Variants in TET3 observed in about 807,000 individuals in gnomAD.
TET3 encodes the protein tet methylcytosine dioxygenase 3.
TET3 carries 19 observed loss-of-function variants against 141.4 expected under a neutral mutation model. That is an observed-to-expected ratio of 0.13 (90% CI 0.09 to 0.20). TET3 has a LOEUF of 0.20. Among genes scored for constraint, TET3 ranks in the 10% least tolerant of loss-of-function variants. The pLI is 1.00. For synonymous variants in TET3, 1,043 were observed against 980.9 expected (o/e 1.06, Z -1.18); for missense variants, 1,874 against 2,356.9 (o/e 0.80, Z 4.24).
chr2:74,134,868 G>C, the TET3 span: 1 of 425,894 alleles, frequency 2.3e-6, no homozygotes, highest in East Asian at 7.3e-5. Flanking sequence ...TGTAGCCATG[G>C]CTGCAGCAGG....
intron 3 of TET3, among the ~76,000 whole-genome samples, chr2:74,029,110 G>A (rs900797442): frequency 6.6e-6 from 1 of 152,098 alleles, no homozygotes; most frequent in Non-Finnish European, 1.5e-5. Flanking sequence ...ATCTTGAAAG[G>A]GGCAGTTGTC....
chr2:74,063,135 C>T (rs1688689106), intron 4 of TET3, among the ~76,000 whole-genome samples: 1 of 151,886 alleles, frequency 6.6e-6, no homozygotes. Context: ...CTACCCACCT[C>T]AGCTTCCCAA....
intron 3 of TET3, among the ~76,000 whole-genome samples, chr2:74,042,538 A>G (rs1308774532): frequency 1.3e-5 from 2 of 152,202 alleles, no homozygotes; most frequent in Admixed American, 1.3e-4. Flanking sequence ...AAGTAAAACA[A>G]ACTTGTGGGA....
At chr2:74,048,544 A>G in intron 4 of TET3, 133 bp downstream of exon 4, 1 of 1,000,682 alleles carries the variant, frequency 1.0e-6, no homozygotes, top group Non-Finnish European at 1.4e-6. Flanking sequence ...GGGAACACAG[A>G]AATGAGCTCA....
chr2:74,126,783 G>A, the TET3 span, among the ~76,000 whole-genome samples: 4 of 152,102 alleles, frequency 2.6e-5, no homozygotes, highest in Non-Finnish European at 4.4e-5. Context: ...GATTACAGGC[G>A]TGAGCCACCA....
At chr2:74,056,260 G>T (rs1335106913) in intron 4 of TET3, among the ~76,000 whole-genome samples, 1 of 152,152 alleles carries the variant, frequency 6.6e-6, no homozygotes, top group Non-Finnish European at 1.5e-5. Flanking sequence ...AAGGTGGAAG[G>T]TTCTTTTAGA....
intron 3 of TET3, among the ~76,000 whole-genome samples, chr2:74,014,723 CT>C (rs1332302234): frequency 1.3e-5 from 2 of 152,064 alleles, no homozygotes; most frequent in Non-Finnish European, 2.9e-5. Flanking sequence ...AGAAAAAAAA[CT>C]GAGACTTTGA....
At chr2:74,120,118 G>A in the TET3 span, among the ~76,000 whole-genome samples, 3 of 152,216 alleles carry the variant, frequency 2.0e-5, no homozygotes, top group Non-Finnish European at 4.4e-5. Flanking sequence ...CCCACAGGTT[G>A]GACCTCCAGG....
At position 74,099,514 on chromosome 2, in the gene TET3, C is replaced by T; in HGVS notation, c.3506C>T (p.Ala1169Val). 1 of 1,613,110 alleles carries T rather than the reference C, an allele frequency of 6.2e-7. No homozygotes were observed. The highest frequency in any genetic ancestry group is 8.5e-7 in the Non-Finnish European group (1 of 1,179,586). The stretch of plus-strand genomic sequence containing the variant: ...CAGCGGCAGCTGGAAGCCAGAAAGG[C>T]AGCAGCCGAGAAGAAGAAGATTCAG... Reference protein sequence around the residue: ...CRQRQLEARKAAAEKKKIQKE... With the variant: ...CRQRQLEARKVAAEKKKIQKE... Residue 1169 changes from alanine (A) to valine (V), a missense_variant, in exon 11 of 12, where the codon GCA becomes GTA. By Grantham distance (64) the Ala-to-Val change is moderately conservative. Coordinates refer to ENST00000409262, the MANE Select transcript of TET3 (RefSeq NM_001287491.2).
At chr2:74,061,471 A>C (rs1313686581) in intron 4 of TET3, among the ~76,000 whole-genome samples, 2 of 120,668 alleles carry the variant, frequency 1.7e-5, no homozygotes, top group African/African-American at 7.0e-5. Flanking sequence ...CGGGGGACTG[A>C]CCCCCCCACC....
intron 3 of TET3, among the ~76,000 whole-genome samples, chr2:74,028,177 G>A (rs1686480733): frequency 6.6e-6 from 1 of 151,860 alleles, no homozygotes; most frequent in East Asian, 1.9e-4. Context: ...ATTATGTAGA[G>A]CAGGGGTCTT....
Position 74,101,192 on chromosome 2 carries a change from C to T in TET3, c.4404C>T (p.Val1468=). ...CGTCTGGGGAGAGTCCTGCCATCGT[C>T]CCTGACAAGCTCAGTTCCTTTGGGG... ...VFSSGESPAI[V]PDKLSSFGAS... is the part of the protein sequence containing the mutation. Residue 1468 remains valine (V), a synonymous_variant, in exon 12 of 12, where the codon GTC becomes GTT. Transcript: ENST00000409262. This position sits in a 1 kb window ranked among gnomAD's most constrained non-coding sequence, Gnocchi z 8.5. 1 of 1,613,704 alleles carries T rather than the reference C, an allele frequency of 6.2e-7. No homozygotes were observed. Among genetic ancestry groups the T allele is most frequent in the East Asian group, 2.2e-5 (1 of 44,870 alleles).
intron 3 of TET3, among the ~76,000 whole-genome samples, chr2:74,025,897 A>G (rs149205737): frequency 1.1e-4 from 16 of 152,236 alleles, no homozygotes; most frequent in African/African-American, 3.6e-4. Flanking sequence ...TGAGGCCAGG[A>G]GTTTGAGAGC....
At chr2:74,109,615 G>A (rs563035040), downstream of TET3, among the ~76,000 whole-genome samples, 4 of 152,170 alleles carry the variant, frequency 2.6e-5, no homozygotes, top group African/African-American at 9.6e-5. Context: ...TTCTTTCTAC[G>A]CTGAGAAGCG....
In TET3 at chr2:74,047,402, C is replaced by G; in HGVS notation, c.1485C>G (p.Pro495=). The change falls in exon 4 of 12, where the codon CCC becomes CCG. Residue 495 remains proline, a synonymous_variant. Transcript: ENST00000409262. ...AGCCCAAGGTCAAGGTGGAGGCACCCTCTTCCTCCCCGGCCCCGGCCCCAT... is the reference window on the plus strand; with the variant it reads ...AGCCCAAGGTCAAGGTGGAGGCACCGTCTTCCTCCCCGGCCCCGGCCCCAT... ...PTKPKVKVEA[P]SSSPAPAPSP... The G allele has an allele frequency of 6.2e-7, 1 of 1,613,476 alleles. No homozygotes were observed. Among genetic ancestry groups the G allele is most frequent in the Non-Finnish European group, 8.5e-7 (1 of 1,179,834 alleles).
intron 4 of TET3, among the ~76,000 whole-genome samples, chr2:74,051,576 G>A (rs1687945668): frequency 6.6e-6 from 1 of 152,198 alleles, no homozygotes; most frequent in Non-Finnish European, 1.5e-5. Flanking sequence ...GTGGATTGGT[G>A]AAGGGTGATA....
intron 2 of TET3, among the ~76,000 whole-genome samples, chr2:73,991,805 CAAAAAA>C (rs772400180): frequency 3.8e-5 from 3 of 79,624 alleles, no homozygotes; most frequent in Non-Finnish European, 4.9e-5. Context: ...AACTCTGTCT[CAAAAAA>C]AAAAAAAAAA....
intron 10 of TET3, among the ~76,000 whole-genome samples, chr2:74,095,298 T>C (rs1340343584): frequency 6.6e-6 from 1 of 152,144 alleles, no homozygotes; most frequent in Non-Finnish European, 1.5e-5. Context: ...TGAGGATTTC[T>C]AGGTGAAATA....
intron 4 of TET3, among the ~76,000 whole-genome samples, chr2:74,054,245 C>T (rs1688099651): frequency 1.3e-5 from 2 of 151,748 alleles, no homozygotes; most frequent in South Asian, 4.2e-4. Context: ...GTAGTTCAGG[C>T]AAGAAATAAT....
Sources: gnomAD v4.1 joint callset for allele counts (sites outside exome capture counted in the v4.1 genomes callset) on GRCh38, gnomAD v4.1.1 for gene constraint, Gnocchi (gnomAD v3.1) non-coding constraint, MANE v1.5 for transcripts, NCBI Gene and HGNC (gene_info 2026-07-23, HGNC 2026-07-21) for gene names.